FHIT: variants seen among roughly 807,000 people sequenced by gnomAD.
The protein encoded by FHIT is fragile histidine triad diadenosine triphosphatase, also known as bis(5'-adenosyl)-triphosphatase.
A neutral mutation model predicts 17.9 loss-of-function variants in FHIT; 19 were observed. The observed-to-expected ratio is 1.06, with a 90% confidence interval of 0.74 to 1.56. The LOEUF (loss-of-function observed/expected upper bound fraction) is 1.56. FHIT is among the 40% of genes most tolerant of loss of function. The pLI, the probability that FHIT is intolerant of heterozygous loss-of-function variation, is 0.00. For missense variants in FHIT, 248 were observed against 189.2 expected (o/e 1.31, Z -1.82); for synonymous variants, 81 against 69.7 (o/e 1.16, Z -0.81).
chr3:60,384,685 C>G (rs1430568321), intron 5 of FHIT, among the ~76,000 whole-genome samples: 1 of 59,960 alleles, frequency 1.7e-5, no homozygotes, highest in Non-Finnish European at 4.4e-5. Context: ...TGAATCACTA[C>G]AGAAAATCAT....
At chr3:60,949,067 C>T (rs1553776480) in intron 3 of FHIT, among the ~76,000 whole-genome samples, 2 of 152,088 alleles carry the variant, frequency 1.3e-5, no homozygotes, top group Non-Finnish European at 2.9e-5. Flanking sequence ...AATTAGTACT[C>T]CTAGCATACA....
rs1490482372 is a variant in FHIT at position 60,153,384 on chromosome 3, AAAG to A, written c.104-139235_104-139233del. Among the ~76,000 whole-genome samples the A allele has an allele frequency of 3.4e-5, 5 of 148,104 alleles. No individual in the cohort carries two copies. The East Asian group carries it at 7.8e-4, about 23-fold the overall frequency. ...CACCAGAAAAAAAAAAAAAAAAAAA[AAAG>A]AGGAGGTGGGGGAGAAAGAGGTGCT... On this transcript the variant is annotated intron_variant, in intron 5 of 9. Coordinates refer to ENST00000492590, the MANE Select transcript of FHIT (RefSeq NM_002012.4).
intron 3 of FHIT, among the ~76,000 whole-genome samples, chr3:60,951,578 C>G (rs1164954729): frequency 6.6e-6 from 1 of 152,204 alleles, no homozygotes; most frequent in Non-Finnish European, 1.5e-5. Flanking sequence ...TCTCTTGACA[C>G]CTAACGACCT....
chr3:59,853,010 C>T (rs764551158), intron 8 of FHIT, among the ~76,000 whole-genome samples: 23 of 151,524 alleles, frequency 1.5e-4, no homozygotes, highest in Admixed American at 4.6e-4. Context: ...TTTTGTGTGG[C>T]TATGTTTTCA....
chr3:60,709,448 G>C (rs1286255933), intron 4 of FHIT, among the ~76,000 whole-genome samples: 2 of 152,046 alleles, frequency 1.3e-5, no homozygotes, highest in Non-Finnish European at 2.9e-5. Context: ...CTTAACAAAT[G>C]GTAGTTTCTT....
chr3:59,846,200 G>C (rs1309191285), intron 8 of FHIT, among the ~76,000 whole-genome samples: 1 of 151,710 alleles, frequency 6.6e-6, no homozygotes, highest in African/African-American at 2.4e-5. Flanking sequence ...TTTTGTGTTT[G>C]GTTGATTTCT....
chr3:60,353,632 T>A (rs1220841742), intron 5 of FHIT, among the ~76,000 whole-genome samples: 8 of 152,142 alleles, frequency 5.3e-5, no homozygotes, highest in Non-Finnish European at 1.0e-4. Flanking sequence ...TTTTTAAACA[T>A]CTATGCAAAC....
At chr3:60,848,542 A>G (rs1703015500) in intron 3 of FHIT, among the ~76,000 whole-genome samples, 1 of 152,120 alleles carries the variant, frequency 6.6e-6, no homozygotes. Context: ...TTTTCAGAAA[A>G]TTGGAGGTCC....
At chr3:60,206,237 T>C (rs1481058892) in intron 5 of FHIT, among the ~76,000 whole-genome samples, 1 of 151,788 alleles carries the variant, frequency 6.6e-6, no homozygotes, top group East Asian at 1.9e-4. Flanking sequence ...GATTTTCTTG[T>C]TCTTGCTGCT....
At chr3:60,689,335 T>A (rs1212934197) in intron 4 of FHIT, among the ~76,000 whole-genome samples, 2 of 152,098 alleles carry the variant, frequency 1.3e-5, no homozygotes, top group Non-Finnish European at 2.9e-5. Context: ...GAAAAAAAAA[T>A]GGCATCTATA....
chr3:60,591,444 C>A (rs1379382360), intron 4 of FHIT, among the ~76,000 whole-genome samples: 1 of 152,026 alleles, frequency 6.6e-6, no homozygotes, highest in Non-Finnish European at 1.5e-5. Context: ...CAAGGAGCCC[C>A]AGAGCAGGAG....
chr3:59,940,171 C>T lies in FHIT; in HGVS notation c.280-17757G>A, dbSNP rs138472699. Among the ~76,000 whole-genome samples the T allele has an allele frequency of 9.2e-5, 14 of 152,280 alleles. No homozygotes were observed. In the East Asian group the frequency reaches 2.7e-3, roughly 29 times the overall value. On this transcript the variant is annotated intron_variant, in intron 7 of 9. Coordinates refer to ENST00000492590, the MANE Select transcript of FHIT (RefSeq NM_002012.4). Reference sequence around the variant, plus strand: ...GCTGTGAGGATCAAATTGGTTAGTACTGCAAAATACCCAGACTAGTACTTG... The same window carrying T: ...GCTGTGAGGATCAAATTGGTTAGTATTGCAAAATACCCAGACTAGTACTTG...
intron 4 of FHIT, among the ~76,000 whole-genome samples, chr3:60,591,967 G>A (rs2038100204): frequency 6.6e-6 from 1 of 151,864 alleles, no homozygotes; most frequent in Admixed American, 6.6e-5. Flanking sequence ...TGGTCTATGT[G>A]CCAGTCAGAA....
At chr3:60,521,825 G>A (rs780218404) in intron 5 of FHIT, among the ~76,000 whole-genome samples, 20 of 152,150 alleles carry the variant, frequency 1.3e-4, no homozygotes, top group Non-Finnish European at 2.8e-4. Flanking sequence ...CCCAAAGACA[G>A]TAAATGAGGC....
At chr3:60,311,590 A>C (rs1708950314) in intron 5 of FHIT, among the ~76,000 whole-genome samples, 2 of 152,228 alleles carry the variant, frequency 1.3e-5, no homozygotes. Flanking sequence ...CAAAGTACGC[A>C]CATTTATAAA....
chr3:61,041,173 G>C (rs1156337254), intron 3 of FHIT, among the ~76,000 whole-genome samples: 2 of 152,114 alleles, frequency 1.3e-5, no homozygotes, highest in Non-Finnish European at 2.9e-5. Context: ...GAGGTCAAGA[G>C]ATCGACCCCA....
At chr3:60,051,455 G>A (rs369394835) in intron 5 of FHIT, among the ~76,000 whole-genome samples, 51 of 151,828 alleles carry the variant, frequency 3.4e-4, no homozygotes, top group African/African-American at 1.2e-3. Context: ...TGACTGAGGA[G>A]GCAGGGCTCG....
chr3:60,672,968 A>T (rs1553694396), intron 4 of FHIT, among the ~76,000 whole-genome samples: 1 of 150,018 alleles, frequency 6.7e-6, no homozygotes, highest in Admixed American at 6.7e-5. Flanking sequence ...CCTAAAATTA[A>T]TATTATACTA....
At chr3:60,795,575 C>A (rs1553730030) in intron 4 of FHIT, among the ~76,000 whole-genome samples, 1 of 151,236 alleles carries the variant, frequency 6.6e-6, no homozygotes, top group African/African-American at 2.4e-5. Context: ...AGTGCAGTGG[C>A]ACGATCAGGG....
Sources: allele counts gnomAD v4.1 joint callset (sites outside exome capture counted in the v4.1 genomes callset), GRCh38; gene constraint gnomAD v4.1.1; transcripts MANE v1.5; gene names NCBI Gene and HGNC (gene_info 2026-07-23, HGNC 2026-07-21).